PIGO: variants seen among roughly 807,000 people sequenced by gnomAD.
The protein encoded by PIGO is phosphatidylinositol glycan anchor biosynthesis class O.
Under a neutral mutation model 86.9 loss-of-function variants are expected in PIGO, and 66 were observed. That is an observed-to-expected ratio of 0.76 (90% CI 0.62 to 0.93). PIGO has a LOEUF of 0.93. Ranked by LOEUF, PIGO falls within the 40% of genes least tolerant of loss-of-function variation. PIGO has a pLI of 0.00. For missense variants in PIGO, 1,202 were observed against 1,359.1 expected (o/e 0.88, Z 1.82); for synonymous variants, 570 against 556.4 (o/e 1.02, Z -0.34).
At chr9:35,095,665 G>C in intron 1 of PIGO, 99 bp from the exon 2 acceptor site, 1 of 1,358,614 alleles carries the variant, frequency 7.4e-7, no homozygotes, top group Non-Finnish European at 9.7e-7. Flanking sequence ...CTTCCTCCCG[G>C]AAACCTTCCT....
At position 35,093,578 on chromosome 9, in the gene PIGO, C is replaced by T. The variant is rs762970543; in HGVS notation, c.782G>A (p.Gly261Glu). 7 of 1,595,890 alleles carry T rather than the reference C, an allele frequency of 4.4e-6. No individual in the cohort carries two copies. The highest frequency in any genetic ancestry group is 6.0e-6 in the Non-Finnish European group (7 of 1,172,592). Residue 261 changes from glycine (G) to glutamate (E), a missense_variant and splice_region_variant, in exon 5 of 11, where the codon GGA (glycine) becomes GAA (glutamate). Physicochemically the swap from Gly to Glu is moderately conservative, Grantham distance 98 (BLOSUM62 -2). Transcript: ENST00000378617. The stretch of plus-strand genomic sequence containing the variant: ...GTCATTCTCCAGACGCTCCACAAGT[C>T]CCCTGGGGGCCAATAAATGTGTCAG... Reference protein sequence around the residue: ...KLSQMDQVIQGLVERLENDTL... With the variant: ...KLSQMDQVIQELVERLENDTL...
Position 35,092,549 on chromosome 9 carries a change from G to C in PIGO, c.1338C>G (p.Phe446Leu). The C allele has an allele frequency of 1.2e-6, 2 of 1,614,228 alleles. No individual in the cohort carries two copies. Among genetic ancestry groups the C allele is most frequent in the Non-Finnish European group, 1.7e-6 (2 of 1,180,028 alleles). Residue 446 changes from phenylalanine to leucine, a missense_variant, in exon 7 of 11, where the codon TTC becomes TTG. Coordinates refer to ENST00000378617, the MANE Select transcript of PIGO (RefSeq NM_032634.4). ...RAMCIESWAR[F>L]SLVRMAGGTA... ...TACCCCCCGCCATGCGGACCAGAGA[G>C]AAACGAGCCCAAGACTCGATGCACA... is the stretch of plus-strand genomic sequence containing the variant.
chr9:35,090,058 A>G lies in PIGO; in HGVS notation c.3069+8T>C. ...ACACCAACTCCCTGATCTCTCTCCTACACCCACCTGAATACCAAGGATAAA... is the reference window on the plus strand; with the variant it reads ...ACACCAACTCCCTGATCTCTCTCCTGCACCCACCTGAATACCAAGGATAAA... On this transcript the variant is annotated splice_region_variant and intron_variant, in intron 9 of 10. Coordinates refer to ENST00000378617, the MANE Select transcript of PIGO (RefSeq NM_032634.4). 1 of 1,611,674 alleles carries G rather than the reference A, an allele frequency of 6.2e-7. No individual in the cohort carries two copies. The highest frequency in any genetic ancestry group is 2.2e-5 in the East Asian group (1 of 44,812).
At chr9:35,090,994 T>G (rs1829390692) in intron 7 of PIGO, 2 of 578,298 alleles carry the variant, frequency 3.5e-6, no homozygotes, top group Non-Finnish European at 3.0e-6. Flanking sequence ...GATGCAGCAT[T>G]TCCACAGGGA....
Position 35,090,066 on chromosome 9 carries a change from C to A in PIGO, c.3069G>T (p.Gln1023His), listed in dbSNP as rs746286276. ...GLKYLFILGI[Q>H]ILACALAASI... ...TCCCTGATCTCTCTCCTACACCCAC[C>A]TGAATACCAAGGATAAAGAGGTACT... The change falls in exon 9 of 11, where the codon CAG (glutamine) becomes CAT (histidine). Residue 1023 changes from glutamine to histidine, a missense_variant and splice_region_variant. Transcript: ENST00000378617. The A allele has an allele frequency of 7.4e-6, 12 of 1,612,840 alleles. No individual in the cohort carries two copies. Among genetic ancestry groups the A allele is most frequent in the Non-Finnish European group, 1.0e-5 (12 of 1,179,054 alleles).
In PIGO at chr9:35,092,203, A is replaced by T. The variant is rs1294785313; in HGVS notation, c.1684T>A (p.Ser562Thr). ...LLLFRLAVFF[S>T]DSFVVAEARA... The stretch of plus-strand genomic sequence containing the variant: ...GCCTCAGCTACAACAAAACTATCAG[A>T]GAAGAACACAGCCAAGCGAAACAGC... The change falls in exon 7 of 11, where the codon TCT (serine) becomes ACT (threonine). Residue 562 changes from serine to threonine, a missense_variant. Coordinates refer to ENST00000378617, the MANE Select transcript of PIGO (RefSeq NM_032634.4). 3.1e-6 allele frequency: 5 copies of T among 1,614,228 alleles called. No individual in the cohort carries two copies. The highest frequency in any genetic ancestry group is 4.2e-6 in the Non-Finnish European group (5 of 1,180,048).
rs766857329 is a variant in PIGO at position 35,094,359 on chromosome 9, C to T, written c.512G>A (p.Gly171Glu). ...ATCTCCCATGAAGACTACACGCCTT[C>T]CTGCAGGGACATGAAAGAGAAGTCA... ...DNLIKQLTSA[G>E]RRVVFMGDDT... The change falls in exon 3 of 11, where the codon GGA becomes GAA. Residue 171 changes from glycine (G) to glutamate (E), a missense_variant and splice_region_variant. Gly to Glu is a moderately conservative substitution (Grantham distance 98). Transcript: ENST00000378617. The T allele has an allele frequency of 6.3e-7, 1 of 1,597,834 alleles. No homozygotes were observed. Among genetic ancestry groups the T allele is most frequent in the Non-Finnish European group, 8.5e-7 (1 of 1,175,818 alleles).
Position 35,095,571 on chromosome 9 carries a change from T to C in PIGO, c.-1-5A>G. ...AACACTGAGGCTTTCTGCATCCTGA[T>C]AGGGGTGGGGAAGTAAATTCATTAC... On this transcript the variant is annotated splice_polypyrimidine_tract_variant and splice_region_variant and intron_variant, in intron 1 of 10. Coordinates refer to ENST00000378617, the MANE Select transcript of PIGO (RefSeq NM_032634.4). The C allele has an allele frequency of 6.5e-7, 1 of 1,546,048 alleles. No homozygotes were observed. Among genetic ancestry groups the C allele is most frequent in the Non-Finnish European group, 8.7e-7 (1 of 1,148,708 alleles).
chr9:35,089,633 GACTC>G, intron 9 of PIGO, 183 bp from the exon 10 acceptor site: 2 of 1,446,072 alleles, frequency 1.4e-6, no homozygotes, highest in Non-Finnish European at 1.8e-6. Flanking sequence ...CCCAAGCACT[GACTC>G]ACTATGTGAC....
chr9:35,095,919 G>A, intron 1 of PIGO: 1 of 191,258 alleles, frequency 5.2e-6, no homozygotes, highest in South Asian at 9.4e-5. Context: ...CAGGAGAATC[G>A]CTTGAATCGG....
rs374618701 is a variant in PIGO at position 35,091,859 on chromosome 9, C to T, written c.2028G>A (p.Ala676=). 18 of 1,614,008 alleles carry T rather than the reference C, an allele frequency of 1.1e-5. No homozygotes were observed. The highest frequency in any genetic ancestry group is 4.0e-5 in the African/African-American group (3 of 74,942). The part of the protein sequence containing the change: ...KNLWYGACVA[A]LVALLAAVRL... Reference sequence around the variant, plus strand: ...GCACGGCAGCTAACAGGGCCACCAGCGCCGCCACACAAGCTCCATACCACA... The same window carrying T: ...GCACGGCAGCTAACAGGGCCACCAGTGCCGCCACACAAGCTCCATACCACA... The change falls in exon 7 of 11, where the codon GCG becomes GCA. Residue 676 remains alanine, a synonymous_variant. Transcript: ENST00000378617.
At chr9:35,089,724 C>T in intron 9 of PIGO, 1 of 1,403,948 alleles carries the variant, frequency 7.1e-7, no homozygotes, top group Non-Finnish European at 9.2e-7. Flanking sequence ...ATCAGTGCCA[C>T]ATCTGCCTCT....
At position 35,096,164 on chromosome 9, in the gene PIGO, C is replaced by T. The variant is rs1252137417; in HGVS notation, c.-11G>A. ...AGTCAGGCTCTCTTACACGCCGTTTCTGCGCCTCTCCCCTCGCCAATCTCA... is the reference window on the plus strand; with the variant it reads ...AGTCAGGCTCTCTTACACGCCGTTTTTGCGCCTCTCCCCTCGCCAATCTCA... On this transcript the variant is annotated 5_prime_UTR_variant, in exon 1 of 11. Coordinates refer to ENST00000378617, the MANE Select transcript of PIGO (RefSeq NM_032634.4). 1.3e-5 allele frequency: 2 copies of T among 152,250 alleles called. No individual in the cohort carries two copies. Among genetic ancestry groups the T allele is most frequent in the Non-Finnish European group, 2.9e-5 (2 of 68,062 alleles). The allele number at this position is 152,250 out of a possible 1,614,324, so 9.4% of individuals were successfully genotyped here.
At position 35,091,778 on chromosome 9, in the gene PIGO, A is replaced by G. The variant is rs1829432675; in HGVS notation, c.2109T>C (p.Phe703=). The change falls in exon 7 of 11, where the codon TTT becomes TTC. Residue 703 remains phenylalanine, a synonymous_variant. Coordinates refer to ENST00000378617, the MANE Select transcript of PIGO (RefSeq NM_032634.4). ...CCATTAGGGGCAGTCCCCAGCGCAC[A>G]AAGAGCATGGGTGGCTCGGGGCTCT... ...NLKSPEPPML[F]VRWGLPLMAL... The G allele has an allele frequency of 6.2e-7, 1 of 1,612,584 alleles. No individual in the cohort carries two copies. Among genetic ancestry groups the G allele is most frequent in the African/African-American group, 1.3e-5 (1 of 74,942 alleles).
At chr9:35,095,790 G>C (rs879308252) in intron 1 of PIGO, 10 of 534,920 alleles carry the variant, frequency 1.9e-5, no homozygotes, top group Non-Finnish European at 2.5e-5. Context: ...GAGGCGGGCG[G>C]ATCACCTGAG....
At position 35,092,765 on chromosome 9, in the gene PIGO, C is replaced by A; in HGVS notation, c.1122G>T (p.Val374=). The A allele has an allele frequency of 1.2e-6, 2 of 1,601,372 alleles. No individual in the cohort carries two copies. The highest frequency in any genetic ancestry group is 1.7e-5 in the Admixed American group (1 of 57,154). Residue 374 remains valine, a splice_region_variant and synonymous_variant, in exon 7 of 11, where the codon GTG becomes GTT. Transcript: ENST00000378617. ...CTGAGTAGGTATGAAGAAATCGGGA[C>A]ACCTGGCAGAGAAAAGGTCAGAGGC... The part of the protein sequence containing the change: ...ASALHLNAQQ[V]SRFLHTYSAA...
rs1476054864 is a variant in PIGO, at chr9:35,088,698, A to C, written c.*394T>G. On this transcript the variant is annotated 3_prime_UTR_variant, in exon 11 of 11. Transcript: ENST00000378617. The stretch of plus-strand genomic sequence containing the variant: ...CATCTCAGACACACATAATTATATT[A>C]TCATTTTATTACACTTTTTTTTAAA... 1 of 172,686 alleles carries C rather than the reference A, an allele frequency of 5.8e-6. No homozygotes were observed. Among genetic ancestry groups the C allele is most frequent in the African/African-American group, 2.4e-5 (1 of 41,876 alleles). The allele number at this position is 172,686 out of a possible 1,614,324, so 10.7% of individuals were successfully genotyped here. A position where few individuals can be genotyped will look rare whatever the true frequency, so the allele number is the denominator to read the frequency against.
In PIGO at chr9:35,095,529, C is replaced by A; in HGVS notation, c.37G>T (p.Val13Phe). The change falls in exon 2 of 11, where the codon GTC (valine) becomes TTC (phenylalanine). Residue 13 changes from valine to phenylalanine, a missense_variant. Physicochemically the swap from Val to Phe is conservative, Grantham distance 50. Coordinates refer to ENST00000378617, the MANE Select transcript of PIGO (RefSeq NM_032634.4). ...ATGCCAGCGTAGAAGAGGAAGCAGA[C>A]CCAGGCCAGGAAGAGCAACACTGAG... is the stretch of plus-strand genomic sequence containing the variant. Reference protein sequence around the residue: ...KASVLLFLAWVCFLFYAGIAL... With the variant: ...KASVLLFLAWFCFLFYAGIAL... 1 of 1,599,764 alleles carries A rather than the reference C, an allele frequency of 6.3e-7. No homozygotes were observed.
Position 35,094,022 on chromosome 9 carries a change from C to T in PIGO, c.658G>A (p.Asp220Asn), listed in dbSNP as rs1401576634. The T allele has an allele frequency of 6.2e-7, 1 of 1,613,630 alleles. No homozygotes were observed. The highest frequency in any genetic ancestry group is 8.5e-7 in the Non-Finnish European group (1 of 1,179,728). The part of the protein sequence containing the change: ...GILEHLYPTM[D>N]SGEWDVLIAH... Reference sequence around the variant, plus strand: ...ATCAGCACGTCCCATTCACCACTGTCCACTGTGAAGGGGAGAACACTGAGC... The same window carrying T: ...ATCAGCACGTCCCATTCACCACTGTTCACTGTGAAGGGGAGAACACTGAGC... Residue 220 changes from aspartate to asparagine, a missense_variant and splice_region_variant, in exon 4 of 11, where the codon GAC becomes AAC. Coordinates refer to ENST00000378617, the MANE Select transcript of PIGO (RefSeq NM_032634.4).
Sources: gnomAD v4.1 joint callset for allele counts on GRCh38, gnomAD v4.1.1 for gene constraint, MANE v1.5 for transcripts, NCBI Gene and HGNC (gene_info 2026-07-23, HGNC 2026-07-21) for gene names.